The following VWA5B1 variants were observed in gnomAD, a reference collection of about 807,000 sequenced individuals.
VWA5B1 encodes von Willebrand factor A domain containing 5B1.
In VWA5B1, 115 loss-of-function variants were observed where a neutral mutation model predicts 118.2. The ratio of observed to expected loss-of-function variants is 0.97; its 90% confidence interval spans 0.84 to 1.14. VWA5B1 has a LOEUF of 1.14. Ranked by LOEUF, VWA5B1 falls within the 50% of genes most tolerant of loss-of-function variation. The pLI, the probability that VWA5B1 is intolerant of heterozygous loss-of-function variation, is 0.00. For missense variants in VWA5B1, 1,596 were observed against 1,603.8 expected (o/e 1.00, Z 0.08); for synonymous variants, 682 against 658.4 (o/e 1.04, Z -0.55).
rs778464418 is a variant in VWA5B1, at chr1:20,310,656, G to A, written c.55G>A (p.Asp19Asn). 4.5e-6 allele frequency: 7 copies of A among 1,551,146 alleles called. No individual in the cohort carries two copies. Among genetic ancestry groups the A allele is most frequent in the Non-Finnish European group, 4.4e-6 (5 of 1,146,748 alleles). Residue 19 changes from aspartate (D) to asparagine (N), a missense_variant, in exon 2 of 22, where the codon GAT (aspartate) becomes AAT (asparagine). Coordinates refer to ENST00000289815, the MANE Select transcript of VWA5B1 (RefSeq NM_001039500.3). ...GGCAGCCCTGCCCCTCACCGCGTCT[G>A]ATGTTACCTCCTGTGTCAGCGGTTA... ...TGAALPLTAS[D>N]VTSCVSGYAL...
At chr1:20,310,502 C>T (rs1344520770) in intron 1 of VWA5B1, 74 bp from the exon 2 acceptor site, 5 of 1,373,574 alleles carry the variant, frequency 3.6e-6, no homozygotes, top group African/African-American at 1.5e-5. Context: ...TTGAGGGTGT[C>T]TGAAACGGGA....
Position 20,351,680 on chromosome 1 carries a change from A to G in VWA5B1, c.3024-375A>G, listed in dbSNP as rs76177920. Among the ~76,000 whole-genome samples the G allele has an allele frequency of 3.0e-3, 457 of 152,198 alleles. 1 individual carries two copies. The highest frequency in any genetic ancestry group is 0.011 in the African/African-American group (443 of 41,550). On this transcript the variant is annotated intron_variant, in intron 20 of 21. Coordinates refer to ENST00000289815, the MANE Select transcript of VWA5B1 (RefSeq NM_001039500.3). ...AAAAATAAAAAATAAAAAATTAGCC[A>G]GACATGGGTGTGTGCCTGTAGTCCA...
In VWA5B1 at chr1:20,352,060, A is replaced by G. The variant is rs1171222674; in HGVS notation, c.3029A>G (p.Asn1010Ser). ...ACCTGACTTCACCTGCACAGGCTAA[A>G]TCTCAACAAGTCCAGGCTACTGACG... ...ASENLFGSWLNLNKSRLLTRA... is the reference protein window; with the variant it reads ...ASENLFGSWLSLNKSRLLTRA... The change falls in exon 21 of 22, where the codon AAT (asparagine) becomes AGT (serine). Residue 1010 changes from asparagine (N) to serine (S), a missense_variant. Asn to Ser is a conservative substitution (Grantham distance 46). Transcript: ENST00000289815. 2 of 1,551,068 alleles carry G rather than the reference A, an allele frequency of 1.3e-6. No individual in the cohort carries two copies. Among genetic ancestry groups the G allele is most frequent in the African/African-American group, 2.7e-5 (2 of 73,132 alleles).
At chr1:20,316,737 T>A (rs1208128384) in intron 4 of VWA5B1, among the ~76,000 whole-genome samples, 1 of 151,960 alleles carries the variant, frequency 6.6e-6, no homozygotes, top group Non-Finnish European at 1.5e-5. Context: ...TTGTCCCCAT[T>A]TAAAGGATGG....
chr1:20,327,872 C>T lies in VWA5B1; in HGVS notation c.1144-18C>T, dbSNP rs1436198845. On this transcript the variant is annotated intron_variant, in intron 8 of 21. Coordinates refer to ENST00000289815, the MANE Select transcript of VWA5B1 (RefSeq NM_001039500.3). Reference sequence around the variant, plus strand: ...GAACTCCTTCCTGAATCCTGAAAACCCCTTTCTCTCCTGCCAGGATGCCAT... The same window carrying T: ...GAACTCCTTCCTGAATCCTGAAAACTCCTTTCTCTCCTGCCAGGATGCCAT... 4 of 1,547,890 alleles carry T rather than the reference C, an allele frequency of 2.6e-6. No homozygotes were observed. Among genetic ancestry groups the T allele is most frequent in the East Asian group, 4.9e-5 (2 of 40,896 alleles).
chr1:20,340,496 T>C (rs990774415), intron 14 of VWA5B1, among the ~76,000 whole-genome samples: 1 of 152,138 alleles, frequency 6.6e-6, no homozygotes, highest in Non-Finnish European at 1.5e-5. Flanking sequence ...GCAGCCCCCA[T>C]TTAATGGGGA....
rs1045851872 is a variant in VWA5B1 at position 20,343,860 on chromosome 1, C to T, written c.2626+467C>T. On this transcript the variant is annotated intron_variant, in intron 16 of 21. Coordinates refer to ENST00000289815, the MANE Select transcript of VWA5B1 (RefSeq NM_001039500.3). Reference sequence around the variant, plus strand: ...CCGCCCACTGCCCGCCCACTCGCCTCTCCGGCCTCCAGGCTCCGCCCCCTC... The same window carrying T: ...CCGCCCACTGCCCGCCCACTCGCCTTTCCGGCCTCCAGGCTCCGCCCCCTC... 4.1e-5 allele frequency among the ~76,000 whole-genome samples: 4 copies of T among 98,734 alleles called. No individual in the cohort carries two copies. In the East Asian group the frequency reaches 8.5e-4, roughly 21 times the overall value. 64.8% of individuals were successfully genotyped at this position (98,734 alleles called of 152,430 possible).
In VWA5B1 at chr1:20,354,575, C is replaced by G; in HGVS notation, c.*312C>G. 2.8e-6 allele frequency: 1 copy of G among 351,236 alleles called. No individual in the cohort carries two copies. Among genetic ancestry groups the G allele is most frequent in the Non-Finnish European group, 5.2e-6 (1 of 191,536 alleles). The allele number at this position is 351,236 out of a possible 1,614,324, so 21.8% of individuals were successfully genotyped here. ...TCCTTTCTGCCCATTCAGGCAGTCC[C>G]GGGCTGACTGCTGCTGGGGCTGGCG... is the stretch of plus-strand genomic sequence containing the variant. On this transcript the variant is annotated 3_prime_UTR_variant, in exon 22 of 22. Coordinates refer to ENST00000289815, the MANE Select transcript of VWA5B1 (RefSeq NM_001039500.3).
intron 20 of VWA5B1, among the ~76,000 whole-genome samples, chr1:20,351,259 G>A (rs893437776): frequency 3.9e-5 from 6 of 152,122 alleles, no homozygotes; most frequent in South Asian, 2.1e-4. Flanking sequence ...TAGCTCACAC[G>A]TGTAATCCCA....
At chr1:20,332,408 A>G (rs1369164479) in intron 11 of VWA5B1, among the ~76,000 whole-genome samples, 1 of 151,690 alleles carries the variant, frequency 6.6e-6, no homozygotes, top group African/African-American at 2.4e-5. Context: ...TGAACCCAAG[A>G]GGTGGATGTT....
chr1:20,358,285 C>T lies in VWA5B1; in HGVS notation c.*4022C>T, dbSNP rs1367705066. 2.0e-5 allele frequency among the ~76,000 whole-genome samples: 3 copies of T among 152,222 alleles called. No homozygotes were observed. The highest frequency in any genetic ancestry group is 7.2e-5 in the African/African-American group (3 of 41,454). The stretch of plus-strand genomic sequence containing the variant: ...TCAGAGACATGAAAAGCAAGGGTTC[C>T]TCCTTCTCCCTTCCAGCTGGTTCAC... On this transcript the variant is annotated 3_prime_UTR_variant, in exon 22 of 22. Transcript: ENST00000289815.
chr1:20,342,489 G>A lies in VWA5B1; in HGVS notation c.2191G>A (p.Ala731Thr). ...GGGCCCCAAACTCCGTGGCCCAGGGGCCCGAAGGCCCTCTCTGCTGCCCCA... is the reference window on the plus strand; with the variant it reads ...GGGCCCCAAACTCCGTGGCCCAGGGACCCGAAGGCCCTCTCTGCTGCCCCA... ...NQGPKLRGPG[A>T]RRPSLLPQGC... The change falls in exon 15 of 22, where the codon GCC becomes ACC. Residue 731 changes from alanine (A) to threonine (T), a missense_variant. Transcript: ENST00000289815. 1 of 1,551,246 alleles carries A rather than the reference G, an allele frequency of 6.4e-7. No homozygotes were observed. The highest frequency in any genetic ancestry group is 8.7e-7 in the Non-Finnish European group (1 of 1,146,900).
chr1:20,313,674 T>A (rs1489213537), intron 3 of VWA5B1, among the ~76,000 whole-genome samples: 1 of 152,236 alleles, frequency 6.6e-6, no homozygotes, highest in African/African-American at 2.4e-5. Flanking sequence ...GGATCTACGA[T>A]CAAGGTGAAG....
chr1:20,355,963 A>G lies in VWA5B1; in HGVS notation c.*1700A>G, dbSNP rs1033801746. Among the ~76,000 whole-genome samples the G allele has an allele frequency of 2.0e-5, 3 of 152,242 alleles. No homozygotes were observed. The highest frequency in any genetic ancestry group is 4.8e-5 in the African/African-American group (2 of 41,474). On this transcript the variant is annotated 3_prime_UTR_variant, in exon 22 of 22. Transcript: ENST00000289815. ...GCAGGCAGGCCTGGACACTGTGGCC[A>G]TCACAACCCCAGGTGGGGCAGGATG...
Position 20,354,170 on chromosome 1 carries a change from C to G in VWA5B1, c.3555C>G (p.Leu1185=). 1 of 1,551,364 alleles carries G rather than the reference C, an allele frequency of 6.4e-7. No individual in the cohort carries two copies. ...CCGAGGGCCGCACGCAGGGCACACT[C>G]AAGGCCGCTGCCCGCCAGCTGTTTG... ...EVPEGRTQGT[L]KAAARQLFVL... The change falls in exon 22 of 22, where the codon CTC becomes CTG. Residue 1185 remains leucine (L), a synonymous_variant. Coordinates refer to ENST00000289815, the MANE Select transcript of VWA5B1 (RefSeq NM_001039500.3).
At chr1:20,330,014 A>T (rs2089500208) in intron 9 of VWA5B1, among the ~76,000 whole-genome samples, 166 bp from the exon 10 acceptor site, 1 of 152,188 alleles carries the variant, frequency 6.6e-6, no homozygotes, top group Non-Finnish European at 1.5e-5. Flanking sequence ...ACACCAAATG[A>T]GTGGCCACCC....
chr1:20,336,210 C>T (rs2089710909), intron 12 of VWA5B1, 93 bp from the exon 13 acceptor site: 3 of 1,141,258 alleles, frequency 2.6e-6, no homozygotes, highest in Admixed American at 4.2e-5. Context: ...AGATGAAAAC[C>T]GCACCACCTC....
rs1250810322 is a variant in VWA5B1 at position 20,353,789 on chromosome 1, G to C, written c.3174G>C (p.Leu1058=). The change falls in exon 22 of 22, where the codon CTG becomes CTC. Residue 1058 remains leucine, a synonymous_variant. Transcript: ENST00000289815. ...VSLQLASGAF[L]LNEAFCEATH... ...TGCAGCTGGCCTCCGGAGCCTTCCT[G>C]CTCAACGAAGCCTTCTGTGAGGCCA... 2 of 1,469,628 alleles carry C rather than the reference G, an allele frequency of 1.4e-6. No individual in the cohort carries two copies. Among genetic ancestry groups the C allele is most frequent in the East Asian group, 2.5e-5 (1 of 40,272 alleles). 91.0% of individuals were successfully genotyped at this position (1,469,628 alleles called of 1,614,324 possible). A position where few individuals can be genotyped will look rare whatever the true frequency, so the allele number is the denominator to read the frequency against.
intron 17 of VWA5B1, among the ~76,000 whole-genome samples, chr1:20,346,893 G>T (rs2090018693): frequency 6.6e-6 from 1 of 152,012 alleles, no homozygotes. Flanking sequence ...CTTATCTGTG[G>T]TACCAAAGTG....
Sources: allele counts gnomAD v4.1 joint callset (sites outside exome capture counted in the v4.1 genomes callset), GRCh38; gene constraint gnomAD v4.1.1; transcripts MANE v1.5; gene names NCBI Gene and HGNC (gene_info 2026-07-23, HGNC 2026-07-21).